PIWIL1: variants seen among roughly 807,000 people sequenced by gnomAD.
PIWIL1 encodes the protein piwi-like protein 1.
A neutral mutation model predicts 114.4 loss-of-function variants in PIWIL1; 73 were observed. That is an observed-to-expected ratio of 0.64 (90% CI 0.53 to 0.78). The LOEUF (loss-of-function observed/expected upper bound fraction) is 0.78, where lower values mean the gene tolerates loss of function less well. Ranked by LOEUF, PIWIL1 falls within the 30% of genes least tolerant of loss-of-function variation. The pLI, the probability that PIWIL1 is intolerant of heterozygous loss-of-function variation, is 0.00. For missense variants in PIWIL1, 723 were observed against 1,063.1 expected (o/e 0.68, Z 4.45); for synonymous variants, 375 against 369.0 (o/e 1.02, Z -0.19).
the PIWIL1 span, chr12:130,425,437 G>A: frequency 0.099 from 15,031 of 152,456 alleles, 862 homozygotes; most frequent in East Asian, 0.21. Context: ...GTGAAACCAC[G>A]CCATCCCCGG....
intron 19 of PIWIL1, among the ~76,000 whole-genome samples, chr12:130,368,341 C>A (rs141653062): frequency 6.6e-6 from 1 of 152,130 alleles, no homozygotes; most frequent in East Asian, 1.9e-4. Context: ...GAACACTTCT[C>A]CTGTGTGAAT....
At chr12:130,424,589 G>T in the PIWIL1 span, 3 of 1,231,968 alleles carry the variant, frequency 2.4e-6, no homozygotes, top group Non-Finnish European at 3.0e-6. The surrounding 1 kb of genome is among the most constrained non-coding windows in gnomAD (Gnocchi z 9.8). Context: ...CCACGTGGGG[G>T]ACGGCCCCCG....
At chr12:130,399,704 G>GTATC in the PIWIL1 span, 1 of 1,614,160 alleles carries the variant, frequency 6.2e-7, no homozygotes, top group Non-Finnish European at 8.5e-7. Context: ...GCGCATTGGC[G>GTATC]TATCTTGAGA....
chr12:130,406,222 C>T, the PIWIL1 span: 5 of 1,604,804 alleles, frequency 3.1e-6, no homozygotes, highest in Non-Finnish European at 4.3e-6. Flanking sequence ...ATAATATCTC[C>T]TGTGCAAAAT....
chr12:130,424,743 T>C, the PIWIL1 span: 2 of 1,232,228 alleles, frequency 1.6e-6, no homozygotes, highest in South Asian at 4.1e-5. This position sits in a 1 kb window ranked among gnomAD's most constrained non-coding sequence, Gnocchi z 9.8. Context: ...CCCACAGCAC[T>C]CTCCGTCCTC....
intron 14 of PIWIL1, among the ~76,000 whole-genome samples, chr12:130,360,185 A>G (rs2073469997): frequency 6.6e-6 from 1 of 152,196 alleles, no homozygotes; most frequent in Non-Finnish European, 1.5e-5. Context: ...TCATTATTTT[A>G]GCCCTTCATG....
intron 18 of PIWIL1, chr12:130,366,495 G>A (rs2073662517): frequency 6.6e-6 from 1 of 152,360 alleles, no homozygotes; most frequent in South Asian, 2.1e-4. Flanking sequence ...ATCCAGGTGG[G>A]GATGGGTGGC....
chr12:130,391,099 G>A, the PIWIL1 span, among the ~76,000 whole-genome samples: 36 of 152,292 alleles, frequency 2.4e-4, no homozygotes, highest in East Asian at 3.9e-4. Context: ...GGCTGTGGGC[G>A]TCTCACTGTT....
intron 2 of PIWIL1, 94 bp from the exon 3 acceptor site, chr12:130,342,896 T>A: frequency 1.2e-6 from 1 of 835,910 alleles, no homozygotes; most frequent in Admixed American, 2.0e-5. Flanking sequence ...TTTAGATAGG[T>A]GTTGGTTGAA....
chr12:130,341,716 TG>T lies in PIWIL1; in HGVS notation c.-12-863del, dbSNP rs1228296343. ...CACACGCTATGTTGTTTTCTCATGT[TG>T]TCTAAAATGTGAAGGAGTTGGGTTC... On this transcript the variant is annotated intron_variant, in intron 1 of 20. Coordinates refer to ENST00000245255, the MANE Select transcript of PIWIL1 (RefSeq NM_004764.5). Among the ~76,000 whole-genome samples, 5 of 152,356 alleles carry T rather than the reference TG, an allele frequency of 3.3e-5. No homozygotes were observed. The East Asian group carries it at 9.6e-4, about 29-fold the overall frequency.
At chr12:130,357,359 G>A in intron 13 of PIWIL1, 122 bp from the exon 14 acceptor site, 2 of 743,434 alleles carry the variant, frequency 2.7e-6, no homozygotes, top group Non-Finnish European at 4.5e-6. Flanking sequence ...TGAATGGCTA[G>A]TCTCGGTGTT....
intron 3 of PIWIL1, among the ~76,000 whole-genome samples, chr12:130,344,757 G>A (rs1047132293): frequency 1.3e-5 from 2 of 152,172 alleles, no homozygotes; most frequent in African/African-American, 4.8e-5. Context: ...GGCTCCATGG[G>A]CAGGGCAAAG....
chr12:130,371,088 A>G (rs778542795), intron 19 of PIWIL1, 88 bp from the exon 20 acceptor site: 102 of 1,082,212 alleles, frequency 9.4e-5, no homozygotes, highest in Non-Finnish European at 1.4e-4. Flanking sequence ...ACTTACAGTG[A>G]AGAGTGGTAC....
the PIWIL1 span, among the ~76,000 whole-genome samples, chr12:130,401,397 G>A: frequency 1.3e-5 from 2 of 152,190 alleles, no homozygotes; most frequent in African/African-American, 4.8e-5. Flanking sequence ...ATTACAGGCT[G>A]AGGCACTATA....
At chr12:130,398,569 A>ATGAT in the PIWIL1 span, 1 of 152,644 alleles carries the variant, frequency 6.6e-6, no homozygotes, top group Admixed American at 6.5e-5. Context: ...CTGTCACAGG[A>ATGAT]TGATTGTGCT....
chr12:130,411,816 A>G, the PIWIL1 span, among the ~76,000 whole-genome samples: 3 of 151,150 alleles, frequency 2.0e-5, no homozygotes, highest in East Asian at 5.9e-4. Context: ...TGCGTTTATT[A>G]ATGCCAAAAA....
At chr12:130,415,956 T>C in the PIWIL1 span, among the ~76,000 whole-genome samples, 1,766 of 125,996 alleles carry the variant, frequency 0.014, 16 homozygotes, top group Non-Finnish European at 0.02. Flanking sequence ...CCATTGACAA[T>C]AGCCACACAC....
chr12:130,353,433 T>C (rs1243601695), intron 9 of PIWIL1, among the ~76,000 whole-genome samples: 2 of 152,140 alleles, frequency 1.3e-5, no homozygotes, highest in African/African-American at 2.4e-5. Context: ...TGTGGGTTTT[T>C]TTTTTTTAAA....
chr12:130,347,884 A>G (rs969406048), intron 6 of PIWIL1, among the ~76,000 whole-genome samples: 1 of 152,242 alleles, frequency 6.6e-6, no homozygotes, highest in Non-Finnish European at 1.5e-5. Context: ...TCTGAATTTC[A>G]GATAATTCAT....
Sources: gnomAD v4.1 joint callset for allele counts (sites outside exome capture counted in the v4.1 genomes callset) on GRCh38, gnomAD v4.1.1 for gene constraint, Gnocchi (gnomAD v3.1) non-coding constraint, MANE v1.5 for transcripts, NCBI Gene and HGNC (gene_info 2026-07-23, HGNC 2026-07-21) for gene names.